The following PSMA1 variants were observed in gnomAD, a reference collection of about 807,000 sequenced individuals.
The protein encoded by PSMA1 is proteasome subunit alpha type-1.
PSMA1 carries 3 observed loss-of-function variants against 38.4 expected under a neutral mutation model. The observed-to-expected ratio is 0.08, with a 90% CI of 0.04 to 0.20. The LOEUF (loss-of-function observed/expected upper bound fraction) is 0.20. Among genes scored for constraint, PSMA1 ranks in the 10% least tolerant of loss-of-function variants. PSMA1 has a pLI of 1.00. For missense variants in PSMA1, 227 were observed against 325.3 expected, an observed-to-expected ratio of 0.70 and a Z score of 2.32; for synonymous variants, 101 against 107.1, an observed-to-expected ratio of 0.94 and a Z score of 0.35.
intron 2 of PSMA1, among the ~76,000 whole-genome samples, 164 bp downstream of exon 2, chr11:14,518,833 C>T (rs1251098035): frequency 6.6e-6 from 1 of 152,090 alleles, no homozygotes; most frequent in African/African-American, 2.4e-5. Context: ...ACATAATGTC[C>T]TCTAGGTCCA....
chr11:14,538,828 T>C (rs1252392488), intron 2 of PSMA1, among the ~76,000 whole-genome samples: 2 of 152,224 alleles, frequency 1.3e-5, no homozygotes, highest in Admixed American at 6.5e-5. Flanking sequence ...TTCCAGAGCA[T>C]TTGTATACAC....
intron 1 of PSMA1, among the ~76,000 whole-genome samples, chr11:14,616,961 G>T (rs1161286686): frequency 6.6e-6 from 1 of 152,182 alleles, no homozygotes; most frequent in Non-Finnish European, 1.5e-5. Context: ...GAACAAAAGG[G>T]ATTCCTAATA....
chr11:14,536,207 G>A (rs895050511), intron 2 of PSMA1, among the ~76,000 whole-genome samples: 1 of 151,992 alleles, frequency 6.6e-6, no homozygotes, highest in Admixed American at 6.6e-5. Flanking sequence ...TACTAATCCC[G>A]GCCAATGTCT....
At chr11:14,566,816 G>GAATAAC (rs1002009236) in intron 2 of PSMA1, among the ~76,000 whole-genome samples, 16 of 152,096 alleles carry the variant, frequency 1.1e-4, no homozygotes, top group Non-Finnish European at 2.2e-4. Flanking sequence ...AAGATACAAA[G>GAATAAC]AATAACAACA....
At chr11:14,548,357 T>A (rs1055766903) in intron 2 of PSMA1, among the ~76,000 whole-genome samples, 121 of 152,346 alleles carry the variant, frequency 7.9e-4, no homozygotes, top group African/African-American at 2.7e-3. Flanking sequence ...CTTCAGTCTC[T>A]GTCACTACTT....
intron 1 of PSMA1, among the ~76,000 whole-genome samples, chr11:14,519,646 G>A (rs2134151666): frequency 6.6e-6 from 1 of 152,300 alleles, no homozygotes; most frequent in African/African-American, 2.4e-5. Flanking sequence ...TGCAGCGATA[G>A]AACCATTACG....
intron 2 of PSMA1, among the ~76,000 whole-genome samples, chr11:14,537,659 A>T (rs924435099): frequency 1.1e-3 from 164 of 151,420 alleles, no homozygotes; most frequent in African/African-American, 3.8e-3. Flanking sequence ...AAAAATAGAG[A>T]AGGAAAATTA....
chr11:14,638,537 CTCTCTCTCTA>C (rs1853145257), intron 1 of PSMA1, among the ~76,000 whole-genome samples: 1 of 22,700 alleles, frequency 4.4e-5, no homozygotes, highest in Non-Finnish European at 8.3e-5. Flanking sequence ...CTCTCTCTCT[CTCTCTCTCTA>C]TATATATATA....
At chr11:14,634,969 A>G (rs1853093615) in intron 1 of PSMA1, among the ~76,000 whole-genome samples, 1 of 152,212 alleles carries the variant, frequency 6.6e-6, no homozygotes, top group South Asian at 2.1e-4. Context: ...AACCATTTTT[A>G]GTAAAGATTT....
chr11:14,628,300 A>AAT (rs1852943227), intron 1 of PSMA1, among the ~76,000 whole-genome samples: 1 of 4,034 alleles, frequency 2.5e-4, no homozygotes, highest in Non-Finnish European at 7.1e-4. Flanking sequence ...TATATCTCCC[A>AAT]ACTAGTCGCT....
intron 2 of PSMA1, among the ~76,000 whole-genome samples, chr11:14,546,401 T>G (rs1851827963): frequency 6.6e-6 from 1 of 152,048 alleles, no homozygotes; most frequent in South Asian, 2.1e-4. Context: ...AGACATTACT[T>G]TAGAGAAATA....
intron 1 of PSMA1, among the ~76,000 whole-genome samples, chr11:14,630,342 A>G (rs1286106045): frequency 6.6e-6 from 1 of 152,188 alleles, no homozygotes; most frequent in Non-Finnish European, 1.5e-5. Flanking sequence ...ACGTCCCATC[A>G]ATACCTAATT....
chr11:14,525,153 C>T (rs34564115), upstream of PSMA1, among the ~76,000 whole-genome samples: 48,627 of 151,916 alleles, frequency 0.32, 9,047 homozygotes, highest in South Asian at 0.44. Context: ...CACTCTGGTG[C>T]CAACTTGGAC....
chr11:14,533,471 C>G (rs1373890304), intron 2 of PSMA1, among the ~76,000 whole-genome samples: 1 of 152,204 alleles, frequency 6.6e-6, no homozygotes, highest in Non-Finnish European at 1.5e-5. Flanking sequence ...TGGCTTTCCT[C>G]TTTGAGGTTT....
In PSMA1 at chr11:14,599,287, C is replaced by T. The variant is rs539892302; in HGVS notation, c.21+11679G>A. Among the ~76,000 whole-genome samples the T allele has an allele frequency of 6.7e-4, 102 of 152,250 alleles. No homozygotes were observed. The South Asian group carries it at 0.014, about 22-fold the overall frequency. On this transcript the variant is annotated intron_variant, in intron 2 of 10. Transcript: ENST00000418988. ...TTCCTGAATTTGAATGTTGGCCTGC[C>T]TTGCTAGGTTGGGGAAGTTCTCCTG...
At chr11:14,580,804 T>C (rs1013676448) in intron 2 of PSMA1, among the ~76,000 whole-genome samples, 13 of 152,292 alleles carry the variant, frequency 8.5e-5, no homozygotes, top group African/African-American at 2.9e-4. Context: ...GAGGGAATTG[T>C]AGGAAACTGA....
intron 2 of PSMA1, among the ~76,000 whole-genome samples, chr11:14,579,001 A>G (rs1852251371): frequency 6.6e-6 from 1 of 152,196 alleles, no homozygotes; most frequent in Non-Finnish European, 1.5e-5. Context: ...AGGTGAAGAA[A>G]CCAGCTCAAA....
intron 1 of PSMA1, among the ~76,000 whole-genome samples, chr11:14,624,626 A>AGTC (rs1378744803): frequency 1.3e-5 from 2 of 152,140 alleles, no homozygotes; most frequent in African/African-American, 4.8e-5. Flanking sequence ...CAGTTTGGAC[A>AGTC]CCTCATGTCC....
intron 2 of PSMA1, among the ~76,000 whole-genome samples, chr11:14,550,421 C>A (rs1023202483): frequency 6.6e-6 from 1 of 152,084 alleles, no homozygotes; most frequent in Non-Finnish European, 1.5e-5. Context: ...ACTTCAGAAG[C>A]CCTAACATGT....
Sources: allele counts gnomAD v4.1 joint callset (sites outside exome capture counted in the v4.1 genomes callset), GRCh38; gene constraint gnomAD v4.1.1; transcripts MANE v1.5; gene names NCBI Gene and HGNC (gene_info 2026-07-23, HGNC 2026-07-21).